GPC5: variants seen among roughly 807,000 people sequenced by gnomAD.
GPC5 encodes glypican 5.
Under a neutral mutation model 53.9 loss-of-function variants are expected in GPC5, and 47 were observed. The observed-to-expected ratio is 0.87, with a 90% CI of 0.69 to 1.11. GPC5 has a LOEUF of 1.11. Among genes scored for constraint, GPC5 ranks in the 50% most tolerant of loss-of-function variants. The pLI is 0.00. For missense variants in GPC5, 748 were observed against 713.1 expected (o/e 1.05, Z -0.56); for synonymous variants, 286 against 263.3 (o/e 1.09, Z -0.84).
At chr13:91,594,972 AT>A (rs1449344503) in intron 2 of GPC5, among the ~76,000 whole-genome samples, 2 of 150,830 alleles carry the variant, frequency 1.3e-5, no homozygotes, top group African/African-American at 2.4e-5. Flanking sequence ...GCCCAGGCTT[AT>A]TTTTTTATTT....
intron 7 of GPC5, among the ~76,000 whole-genome samples, chr13:92,584,759 C>T (rs902593990): frequency 6.6e-6 from 1 of 152,046 alleles, no homozygotes; most frequent in Non-Finnish European, 1.5e-5. Flanking sequence ...CTGGGCCAGG[C>T]CTAGGGTCCC....
chr13:92,391,923 C>G lies in GPC5; in HGVS notation c.1561+246934C>G, dbSNP rs917000944. Among the ~76,000 whole-genome samples the G allele has an allele frequency of 7.1e-4, 108 of 152,252 alleles. 1 individual carries two copies. The highest frequency in any genetic ancestry group is 4.1e-4 in the Non-Finnish European group (28 of 68,020). ...GGAATGGCTGGATTTTGGTGGCAAT[C>G]AGGCTATAAATGATCTTATTACCCC... On this transcript the variant is annotated intron_variant, in intron 7 of 7. Coordinates refer to ENST00000377067, the MANE Select transcript of GPC5 (RefSeq NM_004466.6).
chr13:91,677,934 C>T (rs2035420742), intron 2 of GPC5, among the ~76,000 whole-genome samples: 1 of 152,130 alleles, frequency 6.6e-6, no homozygotes, highest in Non-Finnish European at 1.5e-5. Context: ...CTGATAAGAG[C>T]TATGAAAGCA....
intron 7 of GPC5, among the ~76,000 whole-genome samples, chr13:92,180,421 T>C (rs543408027): frequency 1.3e-5 from 2 of 152,216 alleles, no homozygotes; most frequent in East Asian, 1.9e-4. Flanking sequence ...TGAATGTGTA[T>C]GTATTTGTGG....
intron 6 of GPC5, among the ~76,000 whole-genome samples, chr13:92,042,538 T>C (rs1286418451): frequency 1.3e-5 from 2 of 152,042 alleles, no homozygotes; most frequent in South Asian, 2.1e-4. Context: ...AGAAGCCACA[T>C]ACCACGGGGA....
intron 7 of GPC5, among the ~76,000 whole-genome samples, chr13:92,573,903 T>C (rs1298027353): frequency 4.6e-5 from 7 of 152,128 alleles, no homozygotes; most frequent in Non-Finnish European, 2.9e-5. Context: ...TCTTTGCTTG[T>C]CTAGTGAATG....
intron 7 of GPC5, among the ~76,000 whole-genome samples, chr13:92,429,448 T>A (rs541507542): frequency 1.3e-3 from 203 of 151,818 alleles, no homozygotes; most frequent in African/African-American, 4.6e-3. Flanking sequence ...AACTAATTTT[T>A]AAATAATTTA....
intron 5 of GPC5, among the ~76,000 whole-genome samples, chr13:91,843,839 G>C (rs899535143): frequency 6.6e-6 from 1 of 152,176 alleles, no homozygotes; most frequent in African/African-American, 2.4e-5. Context: ...TCCTGTTGCG[G>C]TGACTTGATC....
chr13:91,690,464 A>G (rs1484936306), intron 2 of GPC5, among the ~76,000 whole-genome samples: 1 of 152,192 alleles, frequency 6.6e-6, no homozygotes, highest in African/African-American at 2.4e-5. Flanking sequence ...CTAATAATAC[A>G]CAGTGGCCTT....
At chr13:92,335,472 C>T (rs767101743) in intron 7 of GPC5, among the ~76,000 whole-genome samples, 24 of 152,136 alleles carry the variant, frequency 1.6e-4, no homozygotes, top group Admixed American at 1.3e-4. Context: ...ACATGGCCTG[C>T]AGACATTTTC....
chr13:91,861,591 A>G (rs1479562351), intron 5 of GPC5, among the ~76,000 whole-genome samples: 2 of 151,894 alleles, frequency 1.3e-5, no homozygotes, highest in Non-Finnish European at 2.9e-5. Flanking sequence ...CTTTTCACCT[A>G]TCTGTGTCTT....
intron 7 of GPC5, among the ~76,000 whole-genome samples, chr13:92,561,546 T>A (rs1480671413): frequency 6.6e-6 from 1 of 152,064 alleles, no homozygotes; most frequent in Non-Finnish European, 1.5e-5. Flanking sequence ...TGGCATGTAG[T>A]AAGCACTATA....
intron 2 of GPC5, among the ~76,000 whole-genome samples, chr13:91,496,041 A>AAAT (rs1292066318): frequency 9.2e-5 from 14 of 151,394 alleles, no homozygotes; most frequent in African/African-American, 3.4e-4. Context: ...TAAAAAATAA[A>AAAT]AAATAAATAA....
At chr13:91,836,841 C>T (rs568675292) in intron 5 of GPC5, among the ~76,000 whole-genome samples, 173 of 151,240 alleles carry the variant, frequency 1.1e-3, no homozygotes, top group Non-Finnish European at 2.0e-3. Context: ...ATTTTAAAAA[C>T]CTTAAAAGTA....
At chr13:91,770,720 G>T (rs1321937613) in intron 5 of GPC5, among the ~76,000 whole-genome samples, 1 of 151,670 alleles carries the variant, frequency 6.6e-6, no homozygotes, top group African/African-American at 2.4e-5. Context: ...GTGTGTGTGT[G>T]TGTGTGTGTG....
At chr13:92,247,783 C>T (rs2042663567) in intron 7 of GPC5, among the ~76,000 whole-genome samples, 1 of 152,074 alleles carries the variant, frequency 6.6e-6, no homozygotes, top group Non-Finnish European at 1.5e-5. Context: ...ATGAAAACCT[C>T]TTAACACCCA....
chr13:91,500,626 C>A (rs1414953243), intron 2 of GPC5, among the ~76,000 whole-genome samples: 2 of 152,184 alleles, frequency 1.3e-5, no homozygotes, highest in African/African-American at 2.4e-5. Flanking sequence ...CTGATATTGG[C>A]CAATCCTGGA....
At chr13:92,031,882 T>A (rs1222219129) in intron 6 of GPC5, among the ~76,000 whole-genome samples, 6 of 95,206 alleles carry the variant, frequency 6.3e-5, no homozygotes, top group Admixed American at 1.7e-4. Context: ...ATAACATATA[T>A]TTTATATATT....
At chr13:91,419,087 G>T (rs531086481) in intron 1 of GPC5, among the ~76,000 whole-genome samples, 20 of 152,116 alleles carry the variant, frequency 1.3e-4, no homozygotes, top group African/African-American at 4.6e-4. Context: ...TTCTTATGCT[G>T]TAGGACCCTT....
Sources: gnomAD v4.1 joint callset for allele counts (sites outside exome capture counted in the v4.1 genomes callset) on GRCh38, gnomAD v4.1.1 for gene constraint, MANE v1.5 for transcripts, NCBI Gene and HGNC (gene_info 2026-07-23, HGNC 2026-07-21) for gene names.